TMEM17: variants seen among roughly 807,000 people sequenced by gnomAD.
The protein encoded by TMEM17 is transmembrane protein 17.
A neutral mutation model predicts 19.1 loss-of-function variants in TMEM17; 15 were observed. That is an observed-to-expected ratio of 0.78 (90% CI 0.52 to 1.21). The LOEUF (loss-of-function observed/expected upper bound fraction) is 1.21, where lower values mean the gene tolerates loss of function less well. Ranked by LOEUF, TMEM17 falls within the 50% of genes most tolerant of loss-of-function variation. The pLI is 0.00. For synonymous variants in TMEM17, 103 were observed against 86.9 expected (o/e 1.19, Z -1.03); for missense variants, 245 against 242.3 (o/e 1.01, Z -0.07).
At chr2:62,478,905 T>C in the TMEM17 span, among the ~76,000 whole-genome samples, 6 of 152,054 alleles carry the variant, frequency 3.9e-5, no homozygotes, top group African/African-American at 1.4e-4. Flanking sequence ...AAAAGGGAGA[T>C]TGGGGGGAGT....
chr2:62,467,821 G>A, the TMEM17 span, among the ~76,000 whole-genome samples: 2 of 152,048 alleles, frequency 1.3e-5, no homozygotes, highest in East Asian at 3.9e-4. Flanking sequence ...CAAAGGCCAG[G>A]TGGCAGGGCC....
intron 3 of TMEM17, 173 bp from the exon 4 acceptor site, chr2:62,501,660 C>T (rs1042747674): frequency 6.4e-6 from 4 of 625,674 alleles, no homozygotes; most frequent in South Asian, 4.4e-5. Context: ...GATGAGAAAA[C>T]TAATTCATGT....
At chr2:62,463,895 A>G in the TMEM17 span, 5 of 152,256 alleles carry the variant, frequency 3.3e-5, no homozygotes, top group Non-Finnish European at 7.3e-5. Context: ...TGGACGTCAG[A>G]GAGAAGCAGC....
chr2:62,465,785 G>A, the TMEM17 span, among the ~76,000 whole-genome samples: 1 of 152,144 alleles, frequency 6.6e-6, no homozygotes, highest in African/African-American at 2.4e-5. Flanking sequence ...GTAAAGTAAA[G>A]GGCAATCCAT....
chr2:62,471,892 T>C, the TMEM17 span, among the ~76,000 whole-genome samples: 159 of 152,366 alleles, frequency 1.0e-3, no homozygotes, highest in African/African-American at 3.1e-3. Context: ...TCGTCTATGG[T>C]GTTTCAGCCC....
chr2:62,459,219 G>A, the TMEM17 span, among the ~76,000 whole-genome samples: 1 of 152,244 alleles, frequency 6.6e-6, no homozygotes, highest in East Asian at 1.9e-4. Context: ...CATTTCTGTA[G>A]TTGAGGGGTC....
At chr2:62,493,943 A>G in the TMEM17 span, among the ~76,000 whole-genome samples, 1 of 152,140 alleles carries the variant, frequency 6.6e-6, no homozygotes, top group Non-Finnish European at 1.5e-5. Context: ...CAGGCCTTAT[A>G]TTTTTAAATG....
At chr2:62,483,662 G>A in the TMEM17 span, among the ~76,000 whole-genome samples, 1 of 150,152 alleles carries the variant, frequency 6.7e-6, no homozygotes, top group Non-Finnish European at 1.5e-5. Context: ...TGCAATGGCA[G>A]GATCTCAGCT....
chr2:62,498,441 G>T (rs187288916), downstream of TMEM17, among the ~76,000 whole-genome samples: 352 of 147,056 alleles, frequency 2.4e-3, 2 homozygotes, highest in African/African-American at 8.5e-3. Context: ...TTTTGGCCGG[G>T]CGCGGTGGCT....
chr2:62,490,257 A>T, the TMEM17 span, among the ~76,000 whole-genome samples: 1 of 143,718 alleles, frequency 7.0e-6, no homozygotes, highest in Non-Finnish European at 1.5e-5. Context: ...AGTCTGATGC[A>T]TGTGTGTATT....
chr2:62,480,322 C>T, the TMEM17 span, among the ~76,000 whole-genome samples: 6 of 151,950 alleles, frequency 3.9e-5, no homozygotes, highest in Non-Finnish European at 8.8e-5. Flanking sequence ...ATTACTTCTC[C>T]TCCATTGTGA....
chr2:62,486,721 A>G, the TMEM17 span, among the ~76,000 whole-genome samples: 363 of 152,348 alleles, frequency 2.4e-3, 1 homozygote, highest in Non-Finnish European at 3.6e-3. Flanking sequence ...TGCAAGGATC[A>G]TCTGCCTACT....
chr2:62,457,903 C>T, the TMEM17 span, among the ~76,000 whole-genome samples: 2 of 152,176 alleles, frequency 1.3e-5, no homozygotes, highest in Non-Finnish European at 2.9e-5. This position sits in a 1 kb window ranked among gnomAD's most constrained non-coding sequence, Gnocchi z 4.2. Flanking sequence ...GTTGCACCAA[C>T]GTTTTCCTCA....
chr2:62,474,149 C>T, the TMEM17 span, among the ~76,000 whole-genome samples: 3 of 152,118 alleles, frequency 2.0e-5, no homozygotes, highest in African/African-American at 7.2e-5. Context: ...CTCCACAAAC[C>T]CTTATTTTAC....
At chr2:62,454,263 C>T in the TMEM17 span, among the ~76,000 whole-genome samples, 1 of 152,222 alleles carries the variant, frequency 6.6e-6, no homozygotes, top group Non-Finnish European at 1.5e-5. Flanking sequence ...AATGCAGTGT[C>T]TCCACAGACC....
the TMEM17 span, among the ~76,000 whole-genome samples, chr2:62,487,279 C>T: frequency 1.1e-3 from 165 of 152,324 alleles, no homozygotes; most frequent in African/African-American, 3.8e-3. Context: ...CAAAGCCAGT[C>T]ATAGCTGGTC....
At chr2:62,467,883 CTTT>C in the TMEM17 span, among the ~76,000 whole-genome samples, 9 of 135,078 alleles carry the variant, frequency 6.7e-5, no homozygotes, top group Non-Finnish European at 6.3e-5. Context: ...GCCATCTCTC[CTTT>C]TTTTTTTTTT....
chr2:62,471,005 A>G, the TMEM17 span, among the ~76,000 whole-genome samples: 6 of 152,220 alleles, frequency 3.9e-5, no homozygotes, highest in African/African-American at 1.4e-4. Flanking sequence ...AAAAGAGGCC[A>G]CACCAAGGGA....
At chr2:62,487,687 C>T in the TMEM17 span, among the ~76,000 whole-genome samples, 8 of 152,182 alleles carry the variant, frequency 5.3e-5, no homozygotes, top group African/African-American at 1.9e-4. Flanking sequence ...TGCACAGGCC[C>T]CACTCCAAGT....
Sources: allele counts gnomAD v4.1 joint callset (sites outside exome capture counted in the v4.1 genomes callset), GRCh38; gene constraint gnomAD v4.1.1; non-coding constraint Gnocchi (gnomAD v3.1); transcripts MANE v1.5; gene names NCBI Gene and HGNC (gene_info 2026-07-23, HGNC 2026-07-21).